PRH1: variants seen among roughly 807,000 people sequenced by gnomAD.
The protein encoded by PRH1 is salivary acidic proline-rich phosphoprotein 1/2.
A neutral mutation model predicts 7.9 loss-of-function variants in PRH1; 7 were observed. The ratio of observed to expected loss-of-function variants is 0.89; its 90% CI spans 0.50 to 1.67. PRH1 has a LOEUF of 1.67. PRH1 is among the 40% of genes most tolerant of loss of function. The pLI, the probability that PRH1 is intolerant of heterozygous loss-of-function variation, is 0.00. For missense variants in PRH1, 109 were observed against 223.6 expected (o/e 0.49, Z 3.27); for synonymous variants, 45 against 80.8 (o/e 0.56, Z 2.38).
chr12:11,052,435 A>C (rs1416526556), intron 1 of PRH1, among the ~76,000 whole-genome samples: 1 of 152,076 alleles, frequency 6.6e-6, no homozygotes, highest in African/African-American at 2.4e-5. Context: ...ACCTCTAGCT[A>C]CTTTTCAGAT....
intron 1 of PRH1, among the ~76,000 whole-genome samples, chr12:11,059,136 A>G (rs1943485370): frequency 6.6e-6 from 1 of 152,132 alleles, no homozygotes; most frequent in Non-Finnish European, 1.5e-5. Context: ...ACAGAAGACA[A>G]CTGAGCAGAT....
chr12:10,949,732 G>GA (rs1396735148), intron 2 of PRH1, among the ~76,000 whole-genome samples: 1 of 151,846 alleles, frequency 6.6e-6, no homozygotes, highest in Non-Finnish European at 1.5e-5. Flanking sequence ...CACAGTTAGG[G>GA]AAAAAATTAT....
At chr12:11,076,428 T>A (rs557108454) in intron 1 of PRH1, among the ~76,000 whole-genome samples, 2 of 62,164 alleles carry the variant, frequency 3.2e-5, no homozygotes, top group South Asian at 8.2e-4. Context: ...TTTGGGACTT[T>A]TTTTAAGATA....
intron 1 of PRH1, among the ~76,000 whole-genome samples, chr12:10,991,247 CAT>C (rs1319422377): frequency 1.3e-5 from 2 of 152,204 alleles, no homozygotes; most frequent in Middle Eastern, 3.4e-3. Flanking sequence ...ATTAATTGAT[CAT>C]AGAGAAAAAT....
chr12:10,883,195 G>T (rs1949436165), intron 1 of PRH1, 99 bp from the exon 2 acceptor site: 1 of 1,354,166 alleles, frequency 7.4e-7, no homozygotes, highest in African/African-American at 1.5e-5. Flanking sequence ...CACACCCTGT[G>T]CATCCCCTTT....
upstream of PRH1, among the ~76,000 whole-genome samples, chr12:10,884,806 A>C (rs1422687884): frequency 6.6e-6 from 1 of 152,222 alleles, no homozygotes; most frequent in African/African-American, 2.4e-5. Context: ...GCACACTCCC[A>C]GGCACACATA....
At chr12:10,886,405 A>G (rs1030764821), upstream of PRH1, among the ~76,000 whole-genome samples, 27 of 152,204 alleles carry the variant, frequency 1.8e-4, no homozygotes, top group African/African-American at 6.0e-4. Context: ...AATCCTCCTA[A>G]AGGTCACTCA....
intron 1 of PRH1, among the ~76,000 whole-genome samples, chr12:11,009,788 T>G (rs1382957183): frequency 6.6e-6 from 1 of 151,944 alleles, no homozygotes; most frequent in Non-Finnish European, 1.5e-5. Context: ...ATAAGCAGCT[T>G]TGGATCTCAA....
chr12:10,938,948 T>C lies in PRH1; in HGVS notation c.-59+34707A>G, dbSNP rs760081636. The C allele has an allele frequency of 1.2e-5, 20 of 1,613,582 alleles. No individual in the cohort carries two copies. The highest frequency in any genetic ancestry group is 3.3e-5 in the Admixed American group (2 of 59,884). ...AAAATGATTGATCACTGTCCAGATA[T>C]TAGTAAGCATTCTGAACATTTTTTC... On this transcript the variant is annotated intron_variant, in intron 2 of 3. Transcript: ENST00000539853.
chr12:10,984,361 ACTT>A (rs1377073495), intron 1 of PRH1, among the ~76,000 whole-genome samples: 7 of 152,176 alleles, frequency 4.6e-5, no homozygotes, highest in Non-Finnish European at 7.3e-5. Context: ...TCTGAGAAAT[ACTT>A]CTTCTTAGAT....
chr12:10,925,505 G>A (rs532864625), intron 2 of PRH1, among the ~76,000 whole-genome samples: 23 of 152,232 alleles, frequency 1.5e-4, no homozygotes, highest in African/African-American at 5.3e-4. Context: ...AATGCATGTG[G>A]CTTGTATTAA....
intron 1 of PRH1, chr12:10,986,160 A>C: frequency 6.2e-7 from 1 of 1,614,088 alleles, no homozygotes; most frequent in Non-Finnish European, 8.5e-7. Flanking sequence ...TAACAAGAGG[A>C]AGGAGATCAG....
intron 1 of PRH1, among the ~76,000 whole-genome samples, chr12:11,123,963 T>C (rs974224079): frequency 5.3e-5 from 8 of 152,148 alleles, no homozygotes; most frequent in Non-Finnish European, 1.0e-4. Flanking sequence ...GATTTTGGGG[T>C]TTTTTGTTTT....
At chr12:11,103,290 A>G (rs1185274535) in intron 1 of PRH1, among the ~76,000 whole-genome samples, 3 of 152,180 alleles carry the variant, frequency 2.0e-5, no homozygotes, top group Admixed American at 6.5e-5. Flanking sequence ...GAACCAACCC[A>G]AATGCCCATC....
At chr12:10,982,382 G>A (rs1188029096) in intron 1 of PRH1, among the ~76,000 whole-genome samples, 1 of 152,202 alleles carries the variant, frequency 6.6e-6, no homozygotes, top group African/African-American at 2.4e-5. Flanking sequence ...TAGGATGAAT[G>A]CACATTAGCA....
upstream of PRH1, among the ~76,000 whole-genome samples, chr12:10,884,439 G>T (rs1949459044): frequency 6.6e-6 from 1 of 152,178 alleles, no homozygotes; most frequent in Admixed American, 6.5e-5. Flanking sequence ...TATTGTTTGT[G>T]TCTAATTCCT....
chr12:11,131,813 T>C lies in PRH1; in HGVS notation n.40-10633A>G, dbSNP rs146252818. Among the ~76,000 whole-genome samples the C allele has an allele frequency of 2.7e-3, 404 of 152,366 alleles. 2 individuals carry two copies. Among genetic ancestry groups the C allele is most frequent in the Middle Eastern group, 0.02 (6 of 294 alleles). ...CCTGAGACCAGAACAGGGGAACTCA[T>C]GCAACTGCAGATTTTGTGATGAGTT... is the stretch of plus-strand genomic sequence containing the variant. On this transcript the variant is annotated intron_variant and non_coding_transcript_variant, in intron 1 of 1. Coordinates refer to the PRH1 transcript ENST00000541175.
At chr12:10,980,032 C>T (rs1939280866) in intron 1 of PRH1, among the ~76,000 whole-genome samples, 1 of 152,018 alleles carries the variant, frequency 6.6e-6, no homozygotes, top group Non-Finnish European at 1.5e-5. Context: ...TTCTGGAGAC[C>T]AGGGTTGGGT....
intron 1 of PRH1, among the ~76,000 whole-genome samples, chr12:11,114,663 A>T: frequency 6.6e-6 from 1 of 152,302 alleles, no homozygotes; most frequent in Non-Finnish European, 1.5e-5. Context: ...TTAAAAAAAT[A>T]ATAGCCACAA....
Sources: allele counts gnomAD v4.1 joint callset (sites outside exome capture counted in the v4.1 genomes callset), GRCh38; gene constraint gnomAD v4.1.1; transcripts MANE v1.5; gene names NCBI Gene and HGNC (gene_info 2026-07-23, HGNC 2026-07-21).